IMPG2: variants seen among roughly 807,000 people sequenced by gnomAD.
IMPG2 encodes interphotoreceptor matrix proteoglycan 2, also known as IPM 200.
In IMPG2, 91 loss-of-function variants were observed where a neutral mutation model predicts 129.2. The ratio of observed to expected loss-of-function variants is 0.70; its 90% CI spans 0.59 to 0.84. IMPG2 has a LOEUF of 0.84. Among genes scored for constraint, IMPG2 ranks in the 40% least tolerant of loss-of-function variants. The pLI, the probability that IMPG2 is intolerant of heterozygous loss-of-function variation, is 0.00. For missense variants in IMPG2, 1,430 were observed against 1,461.7 expected (o/e 0.98, Z 0.35); for synonymous variants, 510 against 517.7 (o/e 0.99, Z 0.20).
At chr3:101,227,670 C>A in intron 18 of IMPG2, 2 of 375,528 alleles carry the variant, frequency 5.3e-6, no homozygotes, top group South Asian at 2.0e-5. Flanking sequence ...GTTTAAAAGG[C>A]AGACGCCTGG....
At chr3:101,274,626 C>T (rs75463661) in intron 6 of IMPG2, among the ~76,000 whole-genome samples, 6,285 of 152,180 alleles carry the variant, frequency 0.041, 445 homozygotes, top group African/African-American at 0.14. Context: ...TTCCTACTGG[C>T]TCTATAAATT....
chr3:101,273,174 A>G (rs980363407), intron 7 of IMPG2, among the ~76,000 whole-genome samples: 37 of 152,230 alleles, frequency 2.4e-4, no homozygotes, highest in African/African-American at 8.0e-4. Context: ...TGTGTTAACT[A>G]TTGAAAATTT....
intron 11 of IMPG2, among the ~76,000 whole-genome samples, chr3:101,251,552 T>C (rs1706544099): frequency 6.6e-6 from 1 of 152,188 alleles, no homozygotes. Flanking sequence ...TGTAGTATAT[T>C]GACAACTTTA....
In IMPG2 at chr3:101,272,099, GCACA is replaced by G. The variant is rs10575719; in HGVS notation, c.828+1478_828+1481del. 3.0e-3 allele frequency among the ~76,000 whole-genome samples: 452 copies of G among 148,674 alleles called. 1 individual carries two copies. The highest frequency in any genetic ancestry group is 8.4e-3 in the African/African-American group (343 of 40,626). On this transcript the variant is annotated intron_variant, in intron 7 of 18. Coordinates refer to ENST00000193391, the MANE Select transcript of IMPG2 (RefSeq NM_016247.4). Reference sequence around the variant, plus strand: ...CCCCACTTCTTATCCTTTTACACACGCACACACACACACACACACACATACACAC... The same window carrying G: ...CCCCACTTCTTATCCTTTTACACACGCACACACACACACACACATACACAC...
chr3:101,302,036 G>C (rs377687486), intron 3 of IMPG2, among the ~76,000 whole-genome samples: 1 of 152,130 alleles, frequency 6.6e-6, no homozygotes, highest in Non-Finnish European at 1.5e-5. Context: ...TATATTGACC[G>C]AGGTCATTCC....
At chr3:101,307,224 C>T (rs1299684203) in intron 2 of IMPG2, among the ~76,000 whole-genome samples, 1 of 152,158 alleles carries the variant, frequency 6.6e-6, no homozygotes, top group Non-Finnish European at 1.5e-5. Context: ...TTTACATGGA[C>T]AACACCAAAA....
At chr3:101,231,321 A>G (rs1706284120) in intron 15 of IMPG2, among the ~76,000 whole-genome samples, 176 bp from the exon 16 acceptor site, 1 of 152,256 alleles carries the variant, frequency 6.6e-6, no homozygotes, top group South Asian at 2.1e-4. Flanking sequence ...GCAGTGAATA[A>G]AGCCCAGCAC....
intron 14 of IMPG2, among the ~76,000 whole-genome samples, chr3:101,239,391 T>C (rs1706381808): frequency 6.6e-6 from 1 of 152,096 alleles, no homozygotes; most frequent in Non-Finnish European, 1.5e-5. Flanking sequence ...TGAGATACCA[T>C]CTCAAGCCAG....
At position 101,223,534 on chromosome 3, in the gene IMPG2, C is replaced by A. The variant is rs1164328115; in HGVS notation, c.*3435G>T. ...TGAAAACAGAAATAACATAAAGCTA[C>A]CAAAAAAATCATGAAATGGAAGTCA... On this transcript the variant is annotated 3_prime_UTR_variant, in exon 19 of 19. Coordinates refer to ENST00000193391, the MANE Select transcript of IMPG2 (RefSeq NM_016247.4). 6.6e-6 allele frequency: 1 copy of A among 151,952 alleles called. No homozygotes were observed. 9.4% of individuals were successfully genotyped at this position (151,952 alleles called of 1,614,324 possible). A position where few individuals can be genotyped will look rare whatever the true frequency, so the allele number is the denominator to read the frequency against.
chr3:101,297,169 A>C (rs1707088693), intron 3 of IMPG2, among the ~76,000 whole-genome samples: 1 of 152,052 alleles, frequency 6.6e-6, no homozygotes, highest in Non-Finnish European at 1.5e-5. Context: ...CAGCCTCCCA[A>C]AGTGCTGGGA....
chr3:101,287,004 T>C (rs992463712), intron 4 of IMPG2, among the ~76,000 whole-genome samples: 36 of 152,194 alleles, frequency 2.4e-4, no homozygotes. Context: ...TATTAGTTGA[T>C]ACATTATGCA....
chr3:101,250,550 A>G lies in IMPG2; in HGVS notation c.1239+3146T>C, dbSNP rs543870176. Among the ~76,000 whole-genome samples, 19 of 152,346 alleles carry G rather than the reference A, an allele frequency of 1.2e-4. No homozygotes were observed. In the South Asian group the frequency reaches 3.5e-3, roughly 28 times the overall value. On this transcript the variant is annotated intron_variant, in intron 11 of 18. Coordinates refer to ENST00000193391, the MANE Select transcript of IMPG2 (RefSeq NM_016247.4). ...GATCATAGAAGTGAAATGCTCAAGG[A>G]CACACAAAAAAAGAGAAAAAAACAG... is the stretch of plus-strand genomic sequence containing the variant.
intron 6 of IMPG2, 92 bp from the exon 7 acceptor site, chr3:101,273,834 T>C: frequency 1.6e-6 from 2 of 1,213,884 alleles, no homozygotes; most frequent in Non-Finnish European, 2.4e-6. Context: ...AGAACTGTGC[T>C]AAAGGCAGCT....
chr3:101,257,330 T>C (rs1454948992), intron 10 of IMPG2, among the ~76,000 whole-genome samples, 199 bp downstream of exon 10: 1 of 152,152 alleles, frequency 6.6e-6, no homozygotes, highest in African/African-American at 2.4e-5. Context: ...TGGCCTTTTG[T>C]CTACAAATAT....
chr3:101,312,871 C>A (rs1465201477), intron 2 of IMPG2, among the ~76,000 whole-genome samples: 2 of 151,922 alleles, frequency 1.3e-5, no homozygotes, highest in African/African-American at 4.8e-5. Flanking sequence ...ATGATATATC[C>A]AGAATACACA....
At chr3:101,311,127 G>A (rs1187558239) in intron 2 of IMPG2, among the ~76,000 whole-genome samples, 1 of 151,428 alleles carries the variant, frequency 6.6e-6, no homozygotes. Flanking sequence ...TGGTCCTAGG[G>A]GCACATGACT....
In IMPG2 at chr3:101,276,659, T is replaced by A; in HGVS notation, c.583+5A>T. ...AGAAAAGTGAATGAAGACACAAAAGTATACCTCCCAATGTTGAAGTATCAC... is the reference window on the plus strand; with the variant it reads ...AGAAAAGTGAATGAAGACACAAAAGAATACCTCCCAATGTTGAAGTATCAC... On this transcript the variant is annotated splice_donor_5th_base_variant and intron_variant, in intron 5 of 18. Transcript: ENST00000193391. The A allele has an allele frequency of 5.0e-6, 8 of 1,592,036 alleles. No individual in the cohort carries two copies. Among genetic ancestry groups the A allele is most frequent in the Non-Finnish European group, 6.9e-6 (8 of 1,160,498 alleles).
At chr3:101,255,629 C>T (rs1706589845) in intron 10 of IMPG2, among the ~76,000 whole-genome samples, 1 of 151,972 alleles carries the variant, frequency 6.6e-6, no homozygotes, top group Non-Finnish European at 1.5e-5. Context: ...CTGTCTGATC[C>T]CAATATCCTG....
Position 101,231,041 on chromosome 3 carries a change from A to T in IMPG2, c.3338T>A (p.Leu1113His). The change falls in exon 16 of 19, where the codon CTT (leucine) becomes CAT (histidine). Residue 1113 changes from leucine (L) to histidine (H), a missense_variant. By Grantham distance (99) the Leu-to-His change is moderately conservative. Transcript: ENST00000193391. ...GTAGATGATAGCAGAAAAGATGACA[A>T]GAAGTCCAACCACGGAGGCAATAGT... ...GITIASVVGL[L>H]VIFSAIIYFF... is the part of the protein sequence containing the mutation. 4 of 1,614,192 alleles carry T rather than the reference A, an allele frequency of 2.5e-6. No homozygotes were observed. The South Asian group carries it at 3.3e-5, about 13-fold the overall frequency.
Sources: allele counts gnomAD v4.1 joint callset (sites outside exome capture counted in the v4.1 genomes callset), GRCh38; gene constraint gnomAD v4.1.1; transcripts MANE v1.5; gene names NCBI Gene and HGNC (gene_info 2026-07-23, HGNC 2026-07-21).